Variants in NAA38 observed in about 807,000 individuals in gnomAD.
NAA38 encodes N-alpha-acetyltransferase 38, NatC auxiliary subunit.
Under a neutral mutation model 12.6 loss-of-function variants are expected in NAA38, and 15 were observed. The ratio of observed to expected loss-of-function variants is 1.19; its 90% CI spans 0.79 to 1.83. The LOEUF is 1.83. Ranked by LOEUF, NAA38 falls within the 40% of genes most tolerant of loss-of-function variation. The probability of loss-of-function intolerance (pLI) is 0.00; values close to 1 mark genes in which losing one functional copy is unlikely to be tolerated. For synonymous variants in NAA38, 88 were observed against 69.9 expected (o/e 1.26, Z -1.29); for missense variants, 183 against 171.7 (o/e 1.07, Z -0.37).
chr17:7,858,092 A>G (rs1385824363), upstream of NAA38: 1 of 1,609,970 alleles, frequency 6.2e-7, no homozygotes, highest in Admixed American at 1.7e-5. Context: ...GCTGAGGAGC[A>G]AAGGAGTAAC....
chr17:7,863,746 ACTC>A (rs2151388217), intron 3 of NAA38: 2 of 151,820 alleles, frequency 1.3e-5, no homozygotes, highest in South Asian at 4.2e-4. Flanking sequence ...CCCTACTCCT[ACTC>A]CTGAAATAGC....
Position 7,885,078 on chromosome 17 carries a change from C to T in NAA38, c.-167+87G>A, listed in dbSNP as rs528374121. On this transcript the variant is annotated intron_variant, in intron 1 of 4. Coordinates refer to the NAA38 transcript ENST00000576861. ...CTGCCCCCGCCGCCGCCGCCCCCGC[C>T]GCCAGGTAAGCGCCCGCCCCGACTC... The T allele has an allele frequency of 9.1e-6, 9 of 986,694 alleles. No individual in the cohort carries two copies. Among genetic ancestry groups the T allele is most frequent in the Middle Eastern group, 5.2e-4 (1 of 1,920 alleles). 61.1% of individuals were successfully genotyped at this position (986,694 alleles called of 1,614,324 possible).
In NAA38 at chr17:7,884,683, G is replaced by A. The variant is rs1351389506; in HGVS notation, c.-167+482C>T. ...CTGGGGGAGGCGGTGAGGAGGAGGA[G>A]GACGCCGCCGCCGAGGAGGAGGAGG... On this transcript the variant is annotated intron_variant, in intron 1 of 4. Transcript: ENST00000576861. 1.5e-3 allele frequency: 594 copies of A among 393,522 alleles called. 5 individuals carry two copies. Among genetic ancestry groups the A allele is most frequent in the Middle Eastern group, 3.2e-3 (5 of 1,546 alleles). The allele number at this position is 393,522 out of a possible 1,614,324, so 24.4% of individuals were successfully genotyped here.
intron 3 of NAA38, chr17:7,866,079 G>A (rs1362679550): frequency 6.6e-6 from 1 of 152,224 alleles, no homozygotes; most frequent in Non-Finnish European, 1.4e-5. Context: ...GTAGCCATGG[G>A]GAACTTTTTT....
At chr17:7,884,310 G>A (rs1022423143) in intron 1 of NAA38, among the ~76,000 whole-genome samples, 1 of 149,510 alleles carries the variant, frequency 6.7e-6, no homozygotes, top group African/African-American at 2.5e-5. Context: ...CGGTGCTGGA[G>A]GGGGGGTTGT....
In NAA38 at chr17:7,885,058, C is replaced by CCCG. The variant is rs1226429921; in HGVS notation, c.-167+104_-167+106dup. 1.3e-5 allele frequency: 12 copies of CCCG among 957,024 alleles called. No individual in the cohort carries two copies. The highest frequency in any genetic ancestry group is 1.2e-5 in the Non-Finnish European group (10 of 808,736). The allele number at this position is 957,024 out of a possible 1,614,324, so 59.3% of individuals were successfully genotyped here. A position where few individuals can be genotyped will look rare whatever the true frequency, so the allele number is the denominator to read the frequency against. On this transcript the variant is annotated intron_variant, in intron 1 of 4. Coordinates refer to the NAA38 transcript ENST00000576861. The stretch of plus-strand genomic sequence containing the variant: ...CGCCGCCGCCGCCGCCACCGCTGCC[C>CCCG]CCGCCGCCGCCGCCCCCGCCGCCAG...
In NAA38 at chr17:7,881,710, C is replaced by CA. The variant is rs201332137; in HGVS notation, c.-66+1524dup. Among the ~76,000 whole-genome samples the CA allele has an allele frequency of 0.01, 1,523 of 149,202 alleles. 71 individuals carry two copies. The South Asian group carries it at 0.14, about 14-fold the overall frequency. ...GGGAAAAGGAGGAACTTAACAGGCACAAATAAGAGAAGGAACAAGCAGAAG... is the reference window on the plus strand; with the variant it reads ...GGGAAAAGGAGGAACTTAACAGGCACAAAATAAGAGAAGGAACAAGCAGAAG... On this transcript the variant is annotated intron_variant, in intron 2 of 4. Coordinates refer to the NAA38 transcript ENST00000576861.
At chr17:7,878,223 A>G (rs1039674781) in intron 2 of NAA38, among the ~76,000 whole-genome samples, 5 of 152,162 alleles carry the variant, frequency 3.3e-5, no homozygotes, top group African/African-American at 1.2e-4. Context: ...TGATTTAAAG[A>G]AAAATAGTAT....
At chr17:7,871,899 C>G (rs1039818920) in intron 2 of NAA38, among the ~76,000 whole-genome samples, 1 of 152,176 alleles carries the variant, frequency 6.6e-6, no homozygotes. Flanking sequence ...AAGTGACCCA[C>G]CCACCTCGGC....
upstream of NAA38, chr17:7,858,072 G>A (rs1390522061): frequency 6.3e-7 from 1 of 1,599,474 alleles, no homozygotes; most frequent in East Asian, 2.2e-5. Context: ...CGTAGTAGTA[G>A]TGAGTACGTG....
chr17:7,885,033 C>CGCCGCCGCCGCCGCCACCGCT, intron 1 of NAA38: 1 of 1,119,514 alleles, frequency 8.9e-7, no homozygotes, highest in Non-Finnish European at 1.1e-6. Flanking sequence ...TTCCCGCCGC[C>CGCCGCCGCCGCCGCCACCGCT]GCCGCCGCCG....
intron 2 of NAA38, among the ~76,000 whole-genome samples, chr17:7,869,744 C>A (rs1403690221): frequency 6.6e-6 from 1 of 151,706 alleles, no homozygotes; most frequent in Non-Finnish European, 1.5e-5. Flanking sequence ...GCCCGGGTGA[C>A]AGAGCAAGAC....
chr17:7,857,883 A>C, upstream of NAA38: 3 of 1,392,382 alleles, frequency 2.2e-6, no homozygotes, highest in Non-Finnish European at 2.8e-6. Flanking sequence ...AAAGCGGCGC[A>C]ACTCAATTAC....
upstream of NAA38, chr17:7,861,551 TC>T (rs1368441915): frequency 3.9e-5 from 6 of 152,194 alleles, no homozygotes; most frequent in African/African-American, 1.4e-4. Context: ...CTACAGGATG[TC>T]CCCATTCTGC....
intron 1 of NAA38, among the ~76,000 whole-genome samples, chr17:7,884,263 AT>A (rs1306602746): frequency 1.4e-5 from 2 of 141,040 alleles, no homozygotes; most frequent in East Asian, 2.1e-4. Flanking sequence ...TGAAAAGGGG[AT>A]TTTCCCCCCT....
chr17:7,857,813 G>T, upstream of NAA38: 1 of 1,336,194 alleles, frequency 7.5e-7, no homozygotes, highest in Non-Finnish European at 9.6e-7. Flanking sequence ...ATCCCATGTA[G>T]CCCAGGCCAC....
In NAA38 at chr17:7,856,930, G is replaced by A. The variant is rs1567810899; in HGVS notation, c.265+85C>T. 14 of 1,591,444 alleles carry A rather than the reference G, an allele frequency of 8.8e-6. No homozygotes were observed. In the South Asian group the frequency reaches 1.1e-4, roughly 13 times the overall value. On this transcript the variant is annotated intron_variant, in intron 2 of 2. Coordinates refer to ENST00000575771, the MANE Select transcript of NAA38 (RefSeq NM_001320925.4). ...ACGAAAACGAGCCCCAGAAAACAAG[G>A]GTTGCAGCCAGGCCCTTAAGGGGAA... is the stretch of plus-strand genomic sequence containing the variant.
intron 2 of NAA38, among the ~76,000 whole-genome samples, chr17:7,874,503 G>A (rs1205125748): frequency 6.6e-6 from 1 of 152,174 alleles, no homozygotes; most frequent in Non-Finnish European, 1.5e-5. Context: ...CTGAGGAAGA[G>A]AAGGTAAGGA....
At chr17:7,881,482 G>A (rs1274279033) in intron 2 of NAA38, among the ~76,000 whole-genome samples, 1 of 151,862 alleles carries the variant, frequency 6.6e-6, no homozygotes, top group African/African-American at 2.4e-5. Context: ...TAGGGGATGT[G>A]GCAAGAAGTT....
Sources: allele counts gnomAD v4.1 joint callset (sites outside exome capture counted in the v4.1 genomes callset), GRCh38; gene constraint gnomAD v4.1.1; transcripts MANE v1.5; gene names NCBI Gene and HGNC (gene_info 2026-07-23, HGNC 2026-07-21).